The following RBIS variants were observed in gnomAD, a reference collection of about 807,000 sequenced individuals.
RBIS encodes ribosomal biogenesis factor.
In RBIS, 9 loss-of-function variants were observed where a neutral mutation model predicts 9.8. That is an observed-to-expected ratio of 0.92 (90% CI 0.56 to 1.61). RBIS has a LOEUF of 1.61. Among genes scored for constraint, RBIS ranks in the 40% most tolerant of loss-of-function variants. RBIS has a pLI of 0.00. For synonymous variants in RBIS, 35 were observed against 37.9 expected (o/e 0.92, Z 0.28); for missense variants, 103 against 116.0 (o/e 0.89, Z 0.51).
In RBIS at chr8:85,214,615, T is replaced by C; in HGVS notation, c.248A>G (p.His83Arg). The change falls in exon 4 of 4, where the codon CAT (histidine) becomes CGT (arginine). Residue 83 changes from histidine (H) to arginine (R), a missense_variant. Physicochemically the swap from His to Arg is conservative, Grantham distance 29. Transcript: ENST00000619594. ...LQKELIPQQR[H>R]ESKPVNVDEA... is the part of the protein sequence containing the mutation. ...ATCAACATTAACTGGTTTGCTTTCA[T>C]GACGCTGCTGAGGAATCTGAAAGGA... 1.3e-6 allele frequency: 2 copies of C among 1,577,480 alleles called. No individual in the cohort carries two copies. The highest frequency in any genetic ancestry group is 1.7e-6 in the Non-Finnish European group (2 of 1,147,022).
intron 2 of RBIS, chr8:85,215,486 C>T (rs1813106750): frequency 6.6e-6 from 1 of 152,296 alleles, no homozygotes; most frequent in Non-Finnish European, 1.5e-5. Flanking sequence ...GGACTTTCTG[C>T]TCCAGAGGAG....
At chr8:85,219,934 C>T (rs1269180647) in intron 1 of RBIS, among the ~76,000 whole-genome samples, 1 of 151,914 alleles carries the variant, frequency 6.6e-6, no homozygotes, top group East Asian at 1.9e-4. Context: ...TTGTACATGA[C>T]ACTACCTATA....
At chr8:85,215,166 A>G (rs1285938961) in intron 2 of RBIS, 129 bp from the exon 3 acceptor site, 1 of 471,686 alleles carries the variant, frequency 2.1e-6, no homozygotes, top group Non-Finnish European at 3.7e-6. Context: ...TTCACTCAAA[A>G]ATTCTTATAG....
In RBIS at chr8:85,214,069, T is replaced by A; in HGVS notation, c.*491A>T. On this transcript the variant is annotated 3_prime_UTR_variant, in exon 4 of 4. Coordinates refer to ENST00000619594, the MANE Select transcript of RBIS (RefSeq NM_001099673.3). ...TTGCTTTAGGGGATAAGTGATTTAA[T>A]ATCCACAAACGTCCCCACTCCCAAA... The A allele has an allele frequency of 1.7e-6, 1 of 592,252 alleles. No homozygotes were observed. Among genetic ancestry groups the A allele is most frequent in the Non-Finnish European group, 3.0e-6 (1 of 330,512 alleles). The allele number at this position is 592,252 out of a possible 1,614,324, so 36.7% of individuals were successfully genotyped here.
chr8:85,217,496 C>A lies in RBIS; in HGVS notation c.4G>T (p.Ala2Ser). 1 of 1,595,848 alleles carries A rather than the reference C, an allele frequency of 6.3e-7. No individual in the cohort carries two copies. The highest frequency in any genetic ancestry group is 8.6e-7 in the Non-Finnish European group (1 of 1,165,560). ...TTCGGCCCTCTTAATTTGTTCTTGG[C>A]CATTGTCTAGAAAAGAAAATAAATT... Reference protein sequence around the residue: MAKNKLRGPKSR... With the variant: MSKNKLRGPKSR... The change falls in exon 2 of 4, where the codon GCC becomes TCC. Residue 2 changes from alanine to serine, a missense_variant. Coordinates refer to ENST00000619594, the MANE Select transcript of RBIS (RefSeq NM_001099673.3).
At chr8:85,214,782 C>CA in intron 3 of RBIS, 139 bp downstream of exon 3, 1 of 723,706 alleles carries the variant, frequency 1.4e-6, no homozygotes, top group South Asian at 1.6e-5. Context: ...TCTGAATATG[C>CA]TATTTATACT....
chr8:85,220,057 A>T (rs888871168), intron 1 of RBIS, among the ~76,000 whole-genome samples: 29 of 152,298 alleles, frequency 1.9e-4, no homozygotes, highest in African/African-American at 6.0e-4. Context: ...GTGCGAGTGG[A>T]GGGAAATTCT....
intron 1 of RBIS, among the ~76,000 whole-genome samples, chr8:85,219,671 G>A (rs1217318189): frequency 6.6e-6 from 1 of 152,046 alleles, no homozygotes; most frequent in Non-Finnish European, 1.5e-5. Context: ...GGAGGCGGAG[G>A]TTGCAGTGAG....
chr8:85,217,630 C>T (rs1813204735), intron 1 of RBIS, 128 bp from the exon 2 acceptor site: 1 of 644,500 alleles, frequency 1.6e-6, no homozygotes, highest in African/African-American at 1.8e-5. Context: ...AAAGTTGGTG[C>T]ATATATTATT....
intron 2 of RBIS, 59 bp from the exon 3 acceptor site, chr8:85,215,096 ATT>A: frequency 3.0e-6 from 2 of 673,444 alleles, no homozygotes; most frequent in Non-Finnish European, 5.0e-6. Flanking sequence ...GATAAGATAT[ATT>A]CAACCTTAAC....
intron 1 of RBIS, chr8:85,218,606 A>C (rs536125524): frequency 2.0e-5 from 3 of 152,242 alleles, no homozygotes; most frequent in African/African-American, 7.2e-5. Context: ...CACACCTATA[A>C]TCCCAGCACT....
intron 3 of RBIS, 79 bp from the exon 4 acceptor site, chr8:85,214,710 T>A: frequency 1.1e-6 from 1 of 948,866 alleles, no homozygotes; most frequent in Non-Finnish European, 1.7e-6. Context: ...TTATTCAATT[T>A]AATTTTTCTA....
intron 1 of RBIS, among the ~76,000 whole-genome samples, chr8:85,220,028 G>GTTACTT (rs1813306357): frequency 6.6e-6 from 1 of 152,188 alleles, no homozygotes; most frequent in East Asian, 1.9e-4. Context: ...CGTGGAGAAA[G>GTTACTT]TAATACACTA....
chr8:85,214,752 A>G (rs1813067002), intron 3 of RBIS, 121 bp from the exon 4 acceptor site: 1 of 792,088 alleles, frequency 1.3e-6, no homozygotes. Context: ...CAATCTGTAT[A>G]TTCTGACAAT....
chr8:85,217,408 G>A lies in RBIS; in HGVS notation c.92C>T (p.Pro31Leu). The change falls in exon 2 of 4, where the codon CCA (proline) becomes CTA (leucine). Residue 31 changes from proline (P) to leucine (L), a missense_variant. Coordinates refer to ENST00000619594, the MANE Select transcript of RBIS (RefSeq NM_001099673.3). ...KNFKAKNKAK[P>L]VTTNLKKINI... ...CACCTTCTTAAGATTAGTGGTAACT[G>A]GTTTTGCTTTGTTTTTAGCCTTAAA... is the stretch of plus-strand genomic sequence containing the variant. 1 of 1,604,616 alleles carries A rather than the reference G, an allele frequency of 6.2e-7. No individual in the cohort carries two copies. The highest frequency in any genetic ancestry group is 8.5e-7 in the Non-Finnish European group (1 of 1,171,732).
chr8:85,214,664 A>C, intron 3 of RBIS, 33 bp from the exon 4 acceptor site: 1 of 1,279,028 alleles, frequency 7.8e-7, no homozygotes, highest in Non-Finnish European at 1.1e-6. Flanking sequence ...TTAAAAACAC[A>C]GACAACAATA....
intron 1 of RBIS, among the ~76,000 whole-genome samples, chr8:85,218,210 T>G (rs1813223246): frequency 6.6e-6 from 1 of 152,194 alleles, no homozygotes; most frequent in Non-Finnish European, 1.5e-5. Context: ...AGCACTACAC[T>G]TATGTGCTTT....
chr8:85,217,676 T>G, intron 1 of RBIS, 174 bp from the exon 2 acceptor site: 1 of 599,828 alleles, frequency 1.7e-6, no homozygotes, highest in Non-Finnish European at 2.9e-6. Context: ...TTTCTGCTCT[T>G]TGAGTACAGA....
At chr8:85,214,699 G>A (rs1165352077) in intron 3 of RBIS, 68 bp from the exon 4 acceptor site, 2 of 998,906 alleles carry the variant, frequency 2.0e-6, no homozygotes, top group Non-Finnish European at 3.2e-6. Flanking sequence ...TATATAAGCT[G>A]TTATTCAATT....
Sources: gnomAD v4.1 joint callset for allele counts (sites outside exome capture counted in the v4.1 genomes callset) on GRCh38, gnomAD v4.1.1 for gene constraint, MANE v1.5 for transcripts, NCBI Gene and HGNC (gene_info 2026-07-23, HGNC 2026-07-21) for gene names.